Variants in DLGAP2 observed in about 807,000 individuals in gnomAD.
DLGAP2 encodes DLG associated protein 2, also known as disks large-associated protein 2.
DLGAP2 carries 26 observed loss-of-function variants against 100.3 expected under a neutral mutation model. The observed-to-expected ratio is 0.26, with a 90% CI of 0.19 to 0.36. The LOEUF (loss-of-function observed/expected upper bound fraction) is 0.36. DLGAP2 is among the 10% of genes least tolerant of loss of function. DLGAP2 has a pLI of 1.00. For missense variants in DLGAP2, 1,858 were observed against 1,453.2 expected, an observed-to-expected ratio of 1.28 and a Z score of -4.53; for synonymous variants, 886 against 630.1, an observed-to-expected ratio of 1.41 and a Z score of -6.08.
At chr8:1,065,855 A>T (rs1195958492) in intron 2 of DLGAP2, among the ~76,000 whole-genome samples, 1 of 152,146 alleles carries the variant, frequency 6.6e-6, no homozygotes, top group Non-Finnish European at 1.5e-5. Flanking sequence ...AATTCCGGGA[A>T]ATCTTTCCTA....
At chr8:1,662,706 G>C (rs1252483905) in intron 8 of DLGAP2, among the ~76,000 whole-genome samples, 4 of 152,256 alleles carry the variant, frequency 2.6e-5, no homozygotes, top group Non-Finnish European at 5.9e-5. Context: ...CCACAAGGTT[G>C]TTCTGAAGCT....
chr8:817,100 C>T (rs1038468705), intron 1 of DLGAP2, among the ~76,000 whole-genome samples: 3 of 150,062 alleles, frequency 2.0e-5, no homozygotes, highest in South Asian at 2.1e-4. Context: ...AAGATCGCGC[C>T]GCTGCACTCC....
chr8:1,606,597 A>T (rs1796808040), intron 6 of DLGAP2, among the ~76,000 whole-genome samples: 1 of 152,192 alleles, frequency 6.6e-6, no homozygotes, highest in African/African-American at 2.4e-5. Flanking sequence ...GTATGGATAG[A>T]CCACAGTTTA....
chr8:1,696,996 A>G (rs1243296952), intron 13 of DLGAP2, 151 bp from the exon 14 acceptor site: 3 of 778,846 alleles, frequency 3.9e-6, no homozygotes, highest in Non-Finnish European at 5.6e-6. Flanking sequence ...TCATGGAAGC[A>G]TGGCCTTCCC....
Position 983,768 on chromosome 8 carries a change from G to A in DLGAP2, c.73+75802G>A, listed in dbSNP as rs547286234. ...AGCAATCCTTTCACCGCAGCCTCCC[G>A]AGTAGCTGGGACTATATATAGGTGT... On this transcript the variant is annotated intron_variant, in intron 2 of 14. Transcript: ENST00000637795. 1.2e-4 allele frequency among the ~76,000 whole-genome samples: 19 copies of A among 152,098 alleles called. No individual in the cohort carries two copies. In the East Asian group the frequency reaches 1.5e-3, roughly 12 times the overall value.
At chr8:1,288,774 G>T (rs1348179748) in intron 3 of DLGAP2, among the ~76,000 whole-genome samples, 1 of 149,732 alleles carries the variant, frequency 6.7e-6, no homozygotes, top group African/African-American at 2.4e-5. Context: ...TTTCGGTTCA[G>T]TGTGTGTGTG....
chr8:754,617 G>A (rs890229785), intron 1 of DLGAP2, among the ~76,000 whole-genome samples: 2 of 152,180 alleles, frequency 1.3e-5, no homozygotes, highest in African/African-American at 2.4e-5. Context: ...GCTCTGCGAG[G>A]CCAAGGAGGG....
chr8:1,600,861 A>G (rs182607417), intron 6 of DLGAP2, among the ~76,000 whole-genome samples: 1 of 151,894 alleles, frequency 6.6e-6, no homozygotes. Flanking sequence ...ACTTTCTGAA[A>G]CCTACTTCTA....
At chr8:1,446,541 G>C (rs1797990787) in intron 3 of DLGAP2, among the ~76,000 whole-genome samples, 1 of 152,108 alleles carries the variant, frequency 6.6e-6, no homozygotes, top group African/African-American at 2.4e-5. Context: ...CTCCAGCTTT[G>C]TTCTTTTGGC....
chr8:1,430,639 T>G (rs1329176994), intron 3 of DLGAP2, among the ~76,000 whole-genome samples: 2 of 152,160 alleles, frequency 1.3e-5, no homozygotes, highest in Non-Finnish European at 1.5e-5. Flanking sequence ...TGCTCTTCTA[T>G]GAGATTGAGA....
intron 3 of DLGAP2, among the ~76,000 whole-genome samples, chr8:1,317,470 GCGTCTCTC>G: frequency 6.9e-6 from 1 of 143,982 alleles, no homozygotes; most frequent in African/African-American, 2.7e-5. Context: ...TGCGAGTGCA[GCGTCTCTC>G]CAACAGTGGT....
chr8:1,420,960 A>G (rs1298486379), intron 3 of DLGAP2, among the ~76,000 whole-genome samples: 1 of 151,954 alleles, frequency 6.6e-6, no homozygotes, highest in Non-Finnish European at 1.5e-5. Flanking sequence ...GGCTGTACTG[A>G]ATGTTGCTTC....
intron 8 of DLGAP2, among the ~76,000 whole-genome samples, chr8:1,666,633 T>G (rs1005137462): frequency 6.6e-6 from 1 of 150,562 alleles, no homozygotes; most frequent in Non-Finnish European, 1.5e-5. Context: ...TGAGCTCAGA[T>G]CGCCCCACTG....
intron 3 of DLGAP2, among the ~76,000 whole-genome samples, chr8:1,391,515 C>T (rs1195914579): frequency 6.6e-6 from 1 of 152,126 alleles, no homozygotes; most frequent in African/African-American, 2.4e-5. Flanking sequence ...TTTGGCCCCA[C>T]GTAATGAGAG....
rs553776551 is a variant in DLGAP2 at position 786,079 on chromosome 8, T to A, written c.18+48254T>A. Reference sequence around the variant, plus strand: ...CAGAGCTCGCTGCCCGCCGCCTCCGTAACCGGGACCAAAGCCCCTTTGCGA... The same window carrying A: ...CAGAGCTCGCTGCCCGCCGCCTCCGAAACCGGGACCAAAGCCCCTTTGCGA... On this transcript the variant is annotated intron_variant, in intron 1 of 14. Coordinates refer to ENST00000637795, the MANE Select transcript of DLGAP2 (RefSeq NM_001346810.2). 3.0e-3 allele frequency among the ~76,000 whole-genome samples: 451 copies of A among 152,294 alleles called. 3 individuals carry two copies. Among genetic ancestry groups the A allele is most frequent in the African/African-American group, 0.01 (428 of 41,572 alleles).
At chr8:1,221,206 C>CT (rs1232328329) in intron 2 of DLGAP2, among the ~76,000 whole-genome samples, 1 of 152,126 alleles carries the variant, frequency 6.6e-6, no homozygotes, top group African/African-American at 2.4e-5. Flanking sequence ...GGACTATGTA[C>CT]TTATGTGTGT....
At chr8:1,154,640 G>A (rs1796748890) in intron 2 of DLGAP2, among the ~76,000 whole-genome samples, 1 of 152,040 alleles carries the variant, frequency 6.6e-6, no homozygotes, top group African/African-American at 2.4e-5. Context: ...AAAAACCCCA[G>A]CAGCCAGTTA....
intron 1 of DLGAP2, among the ~76,000 whole-genome samples, chr8:772,624 T>A (rs1821395906): frequency 6.6e-6 from 1 of 152,182 alleles, no homozygotes; most frequent in African/African-American, 2.4e-5. Context: ...CACACTGCCT[T>A]AATAGAGTAT....
chr8:858,770 G>A (rs895055106), intron 1 of DLGAP2, among the ~76,000 whole-genome samples: 1 of 152,172 alleles, frequency 6.6e-6, no homozygotes, highest in Non-Finnish European at 1.5e-5. Context: ...CATGTGTGAT[G>A]CTGTCACCGT....
Sources: gnomAD v4.1 joint callset for allele counts (sites outside exome capture counted in the v4.1 genomes callset) on GRCh38, gnomAD v4.1.1 for gene constraint, MANE v1.5 for transcripts, NCBI Gene and HGNC (gene_info 2026-07-23, HGNC 2026-07-21) for gene names.